The following ADAMTS17 variants were observed in gnomAD, a reference collection of about 807,000 sequenced individuals.
The protein encoded by ADAMTS17 is A disintegrin and metalloproteinase with thrombospondin motifs 17.
Under a neutral mutation model 141.5 loss-of-function variants are expected in ADAMTS17, and 113 were observed. The observed-to-expected ratio is 0.80, with a 90% CI of 0.69 to 0.93. The LOEUF (loss-of-function observed/expected upper bound fraction) is 0.93, where lower values mean the gene tolerates loss of function less well. Among genes scored for constraint, ADAMTS17 ranks in the 40% least tolerant of loss-of-function variants. The pLI is 0.00. For missense variants in ADAMTS17, 1,659 were observed against 1,517.9 expected (o/e 1.09, Z -1.54); for synonymous variants, 768 against 630.6 (o/e 1.22, Z -3.27).
At chr15:100,312,314 A>C (rs1012832279) in intron 3 of ADAMTS17, among the ~76,000 whole-genome samples, 1 of 152,178 alleles carries the variant, frequency 6.6e-6, no homozygotes, top group East Asian at 1.9e-4. Flanking sequence ...GCCACTGCTG[A>C]CTTTGAAGGA....
intron 10 of ADAMTS17, among the ~76,000 whole-genome samples, chr15:100,135,092 C>A (rs1431118652): frequency 5.3e-5 from 8 of 152,060 alleles, no homozygotes; most frequent in Admixed American, 5.2e-4. Context: ...AATGACCACT[C>A]CATCAGGAGA....
At chr15:100,315,476 G>C (rs1240826518) in intron 3 of ADAMTS17, among the ~76,000 whole-genome samples, 1 of 152,134 alleles carries the variant, frequency 6.6e-6, no homozygotes, top group Admixed American at 6.5e-5. Context: ...CAGCATAAAG[G>C]AACATTAGTC....
At chr15:100,151,251 T>C (rs7183000) in intron 10 of ADAMTS17, among the ~76,000 whole-genome samples, 66,917 of 151,980 alleles carry the variant, frequency 0.44, 15,047 homozygotes, top group Admixed American at 0.51. Context: ...AGCACTACAG[T>C]GTGGATAAAC....
intron 4 of ADAMTS17, among the ~76,000 whole-genome samples, chr15:100,275,199 G>C (rs75961511): frequency 0.11 from 16,081 of 152,210 alleles, 913 homozygotes; most frequent in East Asian, 0.12. Context: ...GACAAAGACA[G>C]TAAGTCAAGT....
chr15:100,287,526 A>T (rs1369492631), intron 3 of ADAMTS17, among the ~76,000 whole-genome samples: 3 of 152,192 alleles, frequency 2.0e-5, no homozygotes, highest in Non-Finnish European at 1.5e-5. Flanking sequence ...AAATTCAGGA[A>T]ATAGAGAACC....
chr15:99,974,559 G>A lies in ADAMTS17; in HGVS notation c.3131C>T (p.Ala1044Val). 3 of 1,614,256 alleles carry A rather than the reference G, an allele frequency of 1.9e-6. No homozygotes were observed. Among genetic ancestry groups the A allele is most frequent in the Non-Finnish European group, 2.5e-6 (3 of 1,180,038 alleles). Reference sequence around the variant, plus strand: ...GTCTCGTGTGCATTTGTAGGTCAGAGCAGCTAAGGGGATAGGAGAGAGAAT... The same window carrying A: ...GTCTCGTGTGCATTTGTAGGTCAGAACAGCTAAGGGGATAGGAGAGAGAAT... ...ANTITSPRLA[A>V]LTYKCTRDQW... is the part of the protein sequence containing the mutation. The change falls in exon 22 of 22, where the codon GCT (alanine) becomes GTT (valine). Residue 1044 changes from alanine (A) to valine (V), a missense_variant. Physicochemically the swap from Ala to Val is moderately conservative, Grantham distance 64. Transcript: ENST00000268070.
chr15:100,018,291 T>C (rs2061331499), intron 18 of ADAMTS17, among the ~76,000 whole-genome samples: 1 of 152,138 alleles, frequency 6.6e-6, no homozygotes, highest in South Asian at 2.1e-4. Context: ...AGAAGACAAA[T>C]TGCCTAATCA....
At chr15:100,154,291 T>G (rs904987573) in intron 9 of ADAMTS17, among the ~76,000 whole-genome samples, 2 of 152,182 alleles carry the variant, frequency 1.3e-5, no homozygotes, top group African/African-American at 4.8e-5. Context: ...TATCAAATAC[T>G]CAGTGGGAAG....
chr15:100,158,728 A>T (rs1421411329), intron 8 of ADAMTS17, among the ~76,000 whole-genome samples: 2 of 152,226 alleles, frequency 1.3e-5, no homozygotes, highest in East Asian at 3.8e-4. Flanking sequence ...GCATAAAGTA[A>T]CGGATTAAGT....
rs140691002 is a variant in ADAMTS17 at position 100,223,928 on chromosome 15, C to T, written c.1076-24505G>A. On this transcript the variant is annotated intron_variant, in intron 7 of 21. Coordinates refer to ENST00000268070, the MANE Select transcript of ADAMTS17 (RefSeq NM_139057.4). The stretch of plus-strand genomic sequence containing the variant: ...GAGCAAGGAGAAGCAGTCCGAGTCC[C>T]GAAGCTGAAGAACTTGGAGTCCAGT... Among the ~76,000 whole-genome samples, 335 of 152,118 alleles carry T rather than the reference C, an allele frequency of 2.2e-3. 2 individuals are homozygous for T. Among genetic ancestry groups the T allele is most frequent in the African/African-American group, 7.6e-3 (315 of 41,476 alleles).
intron 15 of ADAMTS17, among the ~76,000 whole-genome samples, chr15:100,086,703 A>G (rs149949129): frequency 0.056 from 8,418 of 149,656 alleles, 257 homozygotes; most frequent in Middle Eastern, 0.082. Context: ...AAAACCGCTC[A>G]ACTACATGGA....
chr15:100,111,629 G>T (rs1289162872), intron 13 of ADAMTS17, among the ~76,000 whole-genome samples: 1 of 152,216 alleles, frequency 6.6e-6, no homozygotes, highest in African/African-American at 2.4e-5. Flanking sequence ...TGGCTGAAGT[G>T]GTTTGAAACT....
At chr15:100,272,040 G>A (rs1007150379) in intron 4 of ADAMTS17, among the ~76,000 whole-genome samples, 3 of 151,996 alleles carry the variant, frequency 2.0e-5, no homozygotes, top group South Asian at 2.1e-4. Flanking sequence ...TGTGTTAATT[G>A]CTGAGCTCTA....
intron 10 of ADAMTS17, among the ~76,000 whole-genome samples, chr15:100,146,938 T>C (rs1438491560): frequency 2.0e-5 from 3 of 152,196 alleles, no homozygotes; most frequent in Admixed American, 6.5e-5. Context: ...CTCTGTCTCC[T>C]GATAAGATGT....
intron 20 of ADAMTS17, among the ~76,000 whole-genome samples, chr15:99,983,008 C>T (rs1038880043): frequency 6.6e-6 from 1 of 152,132 alleles, no homozygotes; most frequent in African/African-American, 2.4e-5. Flanking sequence ...TTTTTGTGTG[C>T]AAATTATTTC....
chr15:100,098,511 G>C (rs989632462), intron 14 of ADAMTS17, among the ~76,000 whole-genome samples: 2 of 152,014 alleles, frequency 1.3e-5, no homozygotes, highest in African/African-American at 4.8e-5. Context: ...GCTAGGCATG[G>C]TGGCACGCAC....
At chr15:100,311,838 AAAAT>A (rs1412811500) in intron 3 of ADAMTS17, among the ~76,000 whole-genome samples, 4 of 152,212 alleles carry the variant, frequency 2.6e-5, no homozygotes, top group African/African-American at 9.7e-5. Context: ...GGAAAAAAAA[AAAAT>A]ACTTAATATT....
At chr15:100,065,694 G>A (rs929412616) in intron 15 of ADAMTS17, among the ~76,000 whole-genome samples, 34 of 152,088 alleles carry the variant, frequency 2.2e-4, no homozygotes, top group Admixed American at 1.8e-3. Flanking sequence ...AATCTATCAG[G>A]TTAGGGACAT....
At chr15:100,317,984 G>A (rs535943181) in intron 3 of ADAMTS17, among the ~76,000 whole-genome samples, 4 of 152,120 alleles carry the variant, frequency 2.6e-5, no homozygotes, top group African/African-American at 4.8e-5. Flanking sequence ...TTTCAGTAGC[G>A]ACCCGAATGC....
Sources: gnomAD v4.1 joint callset for allele counts (sites outside exome capture counted in the v4.1 genomes callset) on GRCh38, gnomAD v4.1.1 for gene constraint, MANE v1.5 for transcripts, NCBI Gene and HGNC (gene_info 2026-07-23, HGNC 2026-07-21) for gene names.